The following STXBP5 variants were observed in gnomAD, a reference collection of about 807,000 sequenced individuals.
STXBP5 encodes the protein syntaxin binding protein 5, also known as syntaxin-binding protein 5.
A neutral mutation model predicts 152.4 loss-of-function variants in STXBP5; 50 were observed. That is an observed-to-expected ratio of 0.33 (90% CI 0.26 to 0.42). The LOEUF (loss-of-function observed/expected upper bound fraction) is 0.42, where lower values mean the gene tolerates loss of function less well. Among genes scored for constraint, STXBP5 ranks in the 10% least tolerant of loss-of-function variants. STXBP5 has a pLI of 1.00. For synonymous variants in STXBP5, 492 were observed against 494.7 expected (o/e 0.99, Z 0.07); for missense variants, 1,167 against 1,388.6 (o/e 0.84, Z 2.54).
intron 9 of STXBP5, among the ~76,000 whole-genome samples, chr6:147,307,840 C>T (rs912428241): frequency 3.3e-5 from 5 of 152,162 alleles, no homozygotes; most frequent in South Asian, 2.1e-4. Context: ...TACAAAGCCA[C>T]GGAAGAAAAA....
chr6:147,351,876 C>T (rs1040813513), intron 21 of STXBP5: 9 of 985,160 alleles, frequency 9.1e-6, no homozygotes, highest in Non-Finnish European at 9.6e-6. Context: ...GTTTACATGG[C>T]GCCCTTATGG....
At chr6:147,228,470 A>G (rs1034346812) in intron 2 of STXBP5, among the ~76,000 whole-genome samples, 2 of 151,748 alleles carry the variant, frequency 1.3e-5, no homozygotes, top group African/African-American at 4.8e-5. Flanking sequence ...TTAGGTGGGG[A>G]CTAATTTCGT....
At chr6:147,297,681 T>C (rs916134414) in intron 9 of STXBP5, among the ~76,000 whole-genome samples, 2 of 152,012 alleles carry the variant, frequency 1.3e-5, no homozygotes, top group African/African-American at 2.4e-5. Context: ...TAAGGAGATA[T>C]ATAACAAAAA....
intron 4 of STXBP5, among the ~76,000 whole-genome samples, chr6:147,244,042 C>T (rs990262278): frequency 4.0e-5 from 6 of 151,646 alleles, no homozygotes; most frequent in Non-Finnish European, 7.4e-5. Context: ...CATCAGCAGA[C>T]TGAAAATATT....
At chr6:147,288,948 A>AAAC (rs1781133141) in intron 8 of STXBP5, among the ~76,000 whole-genome samples, 1 of 152,108 alleles carries the variant, frequency 6.6e-6, no homozygotes, top group African/African-American at 2.4e-5. Flanking sequence ...TTGGTAGGTG[A>AAAC]ACACGTGCAG....
At chr6:147,256,788 T>G (rs891801275) in intron 4 of STXBP5, among the ~76,000 whole-genome samples, 2 of 152,198 alleles carry the variant, frequency 1.3e-5, no homozygotes, top group Non-Finnish European at 2.9e-5. Context: ...TCTTGCTCAT[T>G]TAATAAAGAC....
intron 4 of STXBP5, among the ~76,000 whole-genome samples, chr6:147,252,793 G>A (rs1216287310): frequency 6.6e-6 from 1 of 152,060 alleles, no homozygotes; most frequent in Non-Finnish European, 1.5e-5. Context: ...CCAATAACAA[G>A]TTCTGAAATT....
chr6:147,227,851 A>G (rs1483923913), intron 2 of STXBP5, among the ~76,000 whole-genome samples: 2 of 152,034 alleles, frequency 1.3e-5, no homozygotes, highest in African/African-American at 2.4e-5. Flanking sequence ...GTCAAGTGAT[A>G]TCTTTTGAGT....
At chr6:147,366,322 A>G (rs1218529856) in intron 25 of STXBP5, among the ~76,000 whole-genome samples, 1 of 152,210 alleles carries the variant, frequency 6.6e-6, no homozygotes, top group Non-Finnish European at 1.5e-5. Context: ...CTTGATCCCA[A>G]CAACCAGACT....
chr6:147,268,310 T>G (rs909059933), intron 7 of STXBP5, among the ~76,000 whole-genome samples: 2 of 152,208 alleles, frequency 1.3e-5, no homozygotes, highest in Non-Finnish European at 2.9e-5. Flanking sequence ...GGCCATAATT[T>G]AGACATCAGG....
chr6:147,351,380 T>C (rs892888460), intron 21 of STXBP5, among the ~76,000 whole-genome samples: 2 of 152,232 alleles, frequency 1.3e-5, no homozygotes, highest in Non-Finnish European at 2.9e-5. Context: ...ACCTTTAGAC[T>C]GTGCCAAATT....
intron 9 of STXBP5, among the ~76,000 whole-genome samples, chr6:147,302,053 C>T (rs1257765654): frequency 6.6e-6 from 1 of 152,162 alleles, no homozygotes; most frequent in Non-Finnish European, 1.5e-5. Context: ...CAAGATTGGA[C>T]TTATCCATGA....
chr6:147,328,450 T>A (rs1582951431), intron 18 of STXBP5, among the ~76,000 whole-genome samples: 2 of 152,232 alleles, frequency 1.3e-5, no homozygotes, highest in South Asian at 4.1e-4. Context: ...ATTTTTCAGT[T>A]GTGTTCGGTA....
At chr6:147,214,696 C>G (rs1223211672) in intron 2 of STXBP5, among the ~76,000 whole-genome samples, 2 of 152,070 alleles carry the variant, frequency 1.3e-5, no homozygotes, top group East Asian at 3.9e-4. Flanking sequence ...CATTAAATGT[C>G]TAAAAATAGA....
Position 147,247,468 on chromosome 6 carries a change from A to G in STXBP5, c.431+8198A>G, listed in dbSNP as rs569770911. ...ATGAGTCATCTTGGAAATTGTAGGT[A>G]TAGAGTATCACATATTCAAGCACAA... is the stretch of plus-strand genomic sequence containing the variant. On this transcript the variant is annotated intron_variant, in intron 4 of 27. Transcript: ENST00000321680. 4.6e-5 allele frequency among the ~76,000 whole-genome samples: 7 copies of G among 152,340 alleles called. No individual in the cohort carries two copies. In the East Asian group the frequency reaches 5.8e-4, roughly 13 times the overall value.
At chr6:147,331,631 C>T (rs1401885526) in intron 18 of STXBP5, among the ~76,000 whole-genome samples, 2 of 151,974 alleles carry the variant, frequency 1.3e-5, no homozygotes, top group African/African-American at 4.8e-5. Context: ...TACTGTTGAC[C>T]ACAACTTCGT....
At chr6:147,266,540 C>T (rs965408276) in intron 6 of STXBP5, among the ~76,000 whole-genome samples, 1 of 151,916 alleles carries the variant, frequency 6.6e-6, no homozygotes, top group Non-Finnish European at 1.5e-5. Flanking sequence ...CTGGTGCCAC[C>T]GAATAGACGT....
intron 26 of STXBP5, among the ~76,000 whole-genome samples, chr6:147,381,440 T>A (rs181498835): frequency 1.5e-3 from 224 of 152,178 alleles, no homozygotes; most frequent in Non-Finnish European, 2.6e-3. Context: ...CTGGTTGAAA[T>A]GTAAAATGGG....
intron 8 of STXBP5, among the ~76,000 whole-genome samples, chr6:147,287,493 C>T (rs942583918): frequency 4.6e-5 from 7 of 152,164 alleles, no homozygotes; most frequent in African/African-American, 1.2e-4. Context: ...TGAGCCACCG[C>T]GCCCGGCCTG....
Sources: gnomAD v4.1 joint callset for allele counts (sites outside exome capture counted in the v4.1 genomes callset) on GRCh38, gnomAD v4.1.1 for gene constraint, MANE v1.5 for transcripts, NCBI Gene and HGNC (gene_info 2026-07-23, HGNC 2026-07-21) for gene names.